Variants in ATRNL1 observed in about 807,000 individuals in gnomAD.
ATRNL1 encodes the protein attractin-like protein 1.
ATRNL1 carries 95 observed loss-of-function variants against 182.7 expected under a neutral mutation model. The ratio of observed to expected loss-of-function variants is 0.52; its 90% confidence interval spans 0.44 to 0.62. ATRNL1 has a LOEUF of 0.62. ATRNL1 is among the 20% of genes least tolerant of loss of function. ATRNL1 has a pLI of 0.00. For synonymous variants in ATRNL1, 576 were observed against 568.3 expected, an observed-to-expected ratio of 1.01 and a Z score of -0.19; for missense variants, 1,471 against 1,679.5, an observed-to-expected ratio of 0.88 and a Z score of 2.17.
intron 27 of ATRNL1, among the ~76,000 whole-genome samples, chr10:115,788,583 G>A (rs1274284024): frequency 6.6e-6 from 1 of 152,148 alleles, no homozygotes; most frequent in Non-Finnish European, 1.5e-5. Flanking sequence ...GGGGCAAGGA[G>A]ATAATTGGCA....
At chr10:115,367,709 C>G (rs1857132342) in intron 19 of ATRNL1, among the ~76,000 whole-genome samples, 1 of 123,960 alleles carries the variant, frequency 8.1e-6, no homozygotes, top group Non-Finnish European at 1.9e-5. Flanking sequence ...TGTGGATGTC[C>G]TTTCTGTTTG....
rs557924950 is a variant in ATRNL1, at chr10:115,112,406, A to T, written c.294-7779A>T. 3.3e-4 allele frequency among the ~76,000 whole-genome samples: 51 copies of T among 152,336 alleles called. 1 individual carries two copies. The South Asian group carries it at 0.01, about 30-fold the overall frequency. On this transcript the variant is annotated intron_variant, in intron 1 of 28. Transcript: ENST00000355044. ...GAAAAGTTAATGGAAAATGCATATT[A>T]TGAAAAAACTGCGTGGATTTCAAAT...
intron 19 of ATRNL1, among the ~76,000 whole-genome samples, chr10:115,370,048 CA>C (rs1243061638): frequency 6.6e-6 from 1 of 152,144 alleles, no homozygotes; most frequent in Non-Finnish European, 1.5e-5. Flanking sequence ...ATAAGTCTCC[CA>C]AGATCTGATG....
chr10:115,105,099 G>A (rs1256431491), intron 1 of ATRNL1, among the ~76,000 whole-genome samples: 2 of 151,976 alleles, frequency 1.3e-5, no homozygotes, highest in Admixed American at 6.6e-5. Context: ...AATGTCATTG[G>A]CATTTTGATA....
chr10:115,800,377 T>C (rs1949764200), intron 27 of ATRNL1, among the ~76,000 whole-genome samples: 1 of 152,154 alleles, frequency 6.6e-6, no homozygotes, highest in African/African-American at 2.4e-5. Context: ...TCTGCTATAC[T>C]TCAATTTAAT....
intron 6 of ATRNL1, among the ~76,000 whole-genome samples, chr10:115,160,881 T>C (rs1846752613): frequency 6.6e-6 from 1 of 151,942 alleles, no homozygotes; most frequent in South Asian, 2.1e-4. Flanking sequence ...CTGGTACAGC[T>C]TGGGCATCAA....
intron 8 of ATRNL1, among the ~76,000 whole-genome samples, chr10:115,204,473 T>G (rs1475565919): frequency 6.6e-6 from 1 of 152,126 alleles, no homozygotes; most frequent in Non-Finnish European, 1.5e-5. Flanking sequence ...GATACCTAAT[T>G]TGCTGAGAGT....
At chr10:115,625,339 A>G (rs1555024317) in intron 26 of ATRNL1, among the ~76,000 whole-genome samples, 1 of 152,182 alleles carries the variant, frequency 6.6e-6, no homozygotes, top group East Asian at 1.9e-4. Context: ...GAAATTTCTG[A>G]TGGAATTTTT....
intron 28 of ATRNL1, among the ~76,000 whole-genome samples, chr10:115,857,998 A>G (rs1316736069): frequency 6.6e-6 from 1 of 152,216 alleles, no homozygotes. Context: ...CAACAAGACA[A>G]CTTACAAAAC....
chr10:115,462,075 A>G, intron 22 of ATRNL1, 40 bp downstream of exon 22: 1 of 1,452,868 alleles, frequency 6.9e-7, no homozygotes, highest in Non-Finnish European at 9.4e-7. Flanking sequence ...TAATTATTGG[A>G]CACAATTTTT....
intron 7 of ATRNL1, among the ~76,000 whole-genome samples, chr10:115,170,627 T>C (rs1847250190): frequency 6.6e-6 from 1 of 152,150 alleles, no homozygotes; most frequent in Non-Finnish European, 1.5e-5. Context: ...TAGTTTGTTA[T>C]CTTCAGTTAT....
At chr10:115,648,434 C>T (rs1859771399) in intron 26 of ATRNL1, among the ~76,000 whole-genome samples, 1 of 152,134 alleles carries the variant, frequency 6.6e-6, no homozygotes, top group Non-Finnish European at 1.5e-5. Flanking sequence ...TGACTGTCTT[C>T]ACAGAATTGG....
chr10:115,322,039 A>C (rs1854609739), intron 18 of ATRNL1, among the ~76,000 whole-genome samples: 1 of 152,098 alleles, frequency 6.6e-6, no homozygotes, highest in African/African-American at 2.4e-5. Flanking sequence ...TAAAATACTT[A>C]GGAATAAATT....
intron 19 of ATRNL1, among the ~76,000 whole-genome samples, chr10:115,366,949 A>C (rs1857078254): frequency 7.0e-6 from 1 of 142,168 alleles, no homozygotes; most frequent in East Asian, 2.0e-4. Context: ...GCTGCCCTTA[A>C]CATTTTTTCC....
chr10:115,623,324 G>T (rs1857894288), intron 26 of ATRNL1, among the ~76,000 whole-genome samples: 1 of 152,056 alleles, frequency 6.6e-6, no homozygotes, highest in African/African-American at 2.4e-5. Flanking sequence ...GTTTCAAACT[G>T]AAATTAAAAA....
In ATRNL1 at chr10:115,509,221, A is replaced by G. The variant is rs114887073; in HGVS notation, c.3655-10042A>G. 4.6e-3 allele frequency among the ~76,000 whole-genome samples: 705 copies of G among 152,174 alleles called. 5 individuals carry two copies. Among genetic ancestry groups the G allele is most frequent in the African/African-American group, 0.016 (667 of 41,542 alleles). On this transcript the variant is annotated intron_variant, in intron 24 of 28. Coordinates refer to ENST00000355044, the MANE Select transcript of ATRNL1 (RefSeq NM_207303.4). ...TTAGAAAAAAAAGACTTCTTTCAAA[A>G]TAGTACAGCTCATTCACAGTATACC...
At chr10:115,639,812 T>G (rs1263309615) in intron 26 of ATRNL1, among the ~76,000 whole-genome samples, 1 of 152,058 alleles carries the variant, frequency 6.6e-6, no homozygotes, top group Non-Finnish European at 1.5e-5. Flanking sequence ...TTTTCAATTT[T>G]TTTGATTATA....
chr10:115,695,015 A>T (rs1433567702), intron 26 of ATRNL1, among the ~76,000 whole-genome samples: 3 of 151,950 alleles, frequency 2.0e-5, no homozygotes, highest in African/African-American at 7.3e-5. Context: ...GTTGAGAAAC[A>T]TGGTTTGGAT....
At chr10:115,479,203 A>G (rs1451853054) in intron 24 of ATRNL1, among the ~76,000 whole-genome samples, 2 of 151,624 alleles carry the variant, frequency 1.3e-5, no homozygotes, top group African/African-American at 4.8e-5. Flanking sequence ...ATTTTTGATA[A>G]CTAATTAGAA....
Sources: gnomAD v4.1 joint callset for allele counts (sites outside exome capture counted in the v4.1 genomes callset) on GRCh38, gnomAD v4.1.1 for gene constraint, MANE v1.5 for transcripts, NCBI Gene and HGNC (gene_info 2026-07-23, HGNC 2026-07-21) for gene names.